Variants in OSBPL10 observed in about 807,000 individuals in gnomAD.
OSBPL10 encodes the protein oxysterol binding protein like 10, also known as oxysterol-binding protein-related protein 10.
In OSBPL10, 49 loss-of-function variants were observed where a neutral mutation model predicts 81.7. The observed-to-expected ratio is 0.60, with a 90% confidence interval of 0.48 to 0.76. OSBPL10 has a LOEUF of 0.76. Among genes scored for constraint, OSBPL10 ranks in the 30% least tolerant of loss-of-function variants. OSBPL10 has a pLI of 0.00. For missense variants in OSBPL10, 923 were observed against 987.8 expected (o/e 0.93, Z 0.88); for synonymous variants, 419 against 383.6 (o/e 1.09, Z -1.08).
At chr3:31,805,342 G>T (rs760325068) in intron 4 of OSBPL10, among the ~76,000 whole-genome samples, 1 of 152,112 alleles carries the variant, frequency 6.6e-6, no homozygotes, top group Non-Finnish European at 1.5e-5. Flanking sequence ...AAATATAGTC[G>T]TATCTCTCTC....
At chr3:31,712,205 G>A (rs1696277107) in intron 6 of OSBPL10, among the ~76,000 whole-genome samples, 1 of 152,218 alleles carries the variant, frequency 6.6e-6, no homozygotes, top group Non-Finnish European at 1.5e-5. Flanking sequence ...CTAAATGTAT[G>A]TTTCCTAAGT....
chr3:32,027,945 C>A (rs1181256619), intron 2 of OSBPL10, among the ~76,000 whole-genome samples: 1 of 152,220 alleles, frequency 6.6e-6, no homozygotes, highest in African/African-American at 2.4e-5. Context: ...GAGACTGGAA[C>A]AACTGTCTCC....
At chr3:32,015,547 C>CT (rs1432049692) in intron 2 of OSBPL10, among the ~76,000 whole-genome samples, 33 of 152,178 alleles carry the variant, frequency 2.2e-4, no homozygotes, top group Admixed American at 2.0e-3. Context: ...TAGGCAAGGA[C>CT]TTCATGTCTA....
intron 2 of OSBPL10, among the ~76,000 whole-genome samples, chr3:32,018,479 G>A (rs1699334421): frequency 6.6e-6 from 1 of 152,164 alleles, no homozygotes; most frequent in Admixed American, 6.5e-5. Flanking sequence ...AGAAACCAGA[G>A]CATAGAAGGG....
chr3:31,889,072 G>A (rs1695817588), intron 1 of OSBPL10, among the ~76,000 whole-genome samples: 1 of 152,070 alleles, frequency 6.6e-6, no homozygotes, highest in Non-Finnish European at 1.5e-5. Context: ...CTAATCATTA[G>A]GAAAATGCAA....
At chr3:32,029,631 T>C (rs977914694) in intron 2 of OSBPL10, among the ~76,000 whole-genome samples, 3 of 152,188 alleles carry the variant, frequency 2.0e-5, no homozygotes, top group Admixed American at 2.0e-4. Context: ...GCCATTGATA[T>C]ACTTCACTGA....
At chr3:32,015,973 T>G (rs1699310263) in intron 2 of OSBPL10, among the ~76,000 whole-genome samples, 1 of 152,124 alleles carries the variant, frequency 6.6e-6, no homozygotes, top group African/African-American at 2.4e-5. Flanking sequence ...TGTGGAGAAA[T>G]AGGAACACTT....
chr3:31,912,161 C>T (rs940889261), intron 1 of OSBPL10, among the ~76,000 whole-genome samples: 11 of 151,802 alleles, frequency 7.2e-5, no homozygotes, highest in African/African-American at 2.7e-4. Context: ...TTTGGGGGGC[C>T]GAGGCAGGCA....
Position 32,031,118 on chromosome 3 carries a change from C to T in OSBPL10, n.298+15373G>A, listed in dbSNP as rs533818722. 7.9e-5 allele frequency among the ~76,000 whole-genome samples: 12 copies of T among 151,204 alleles called. No homozygotes were observed. The South Asian group carries it at 1.7e-3, about 21-fold the overall frequency. The stretch of plus-strand genomic sequence containing the variant: ...AGGCAGAGGTTGGAGTGAGCTGAGT[C>T]GTGACACTGCACTCTAGCCTGGGCG... On this transcript the variant is annotated intron_variant and non_coding_transcript_variant, in intron 2 of 3. Coordinates refer to the OSBPL10 transcript ENST00000479173.
At chr3:31,753,278 C>T (rs573143242) in intron 4 of OSBPL10, among the ~76,000 whole-genome samples, 48 of 151,794 alleles carry the variant, frequency 3.2e-4, no homozygotes, top group African/African-American at 1.1e-3. Flanking sequence ...ACTTCCGCCT[C>T]GCCTCCTGGG....
At chr3:31,719,849 T>C (rs1047282698) in intron 6 of OSBPL10, among the ~76,000 whole-genome samples, 1 of 151,928 alleles carries the variant, frequency 6.6e-6, no homozygotes, top group African/African-American at 2.4e-5. Context: ...CCTTGTTAAA[T>C]AAAATATAAT....
At chr3:32,030,740 A>T in intron 2 of OSBPL10, 4 of 663,854 alleles carry the variant, frequency 6.0e-6, no homozygotes, top group Non-Finnish European at 1.1e-5. Context: ...ATAAAAAATT[A>T]CTAAGCAAAA....
chr3:32,076,622 A>G (rs898509547), intron 1 of OSBPL10, among the ~76,000 whole-genome samples: 1 of 152,102 alleles, frequency 6.6e-6, no homozygotes, highest in Non-Finnish European at 1.5e-5. Context: ...TTATCAAGAC[A>G]GGGGAATTGC....
chr3:31,807,741 A>G (rs939258480), intron 4 of OSBPL10, among the ~76,000 whole-genome samples: 6 of 152,116 alleles, frequency 3.9e-5, no homozygotes, highest in Non-Finnish European at 8.8e-5. Flanking sequence ...CCATCTCTAA[A>G]AAGAATTTTT....
At chr3:31,989,123 C>T (rs780239542) in intron 2 of OSBPL10, 3 of 1,614,094 alleles carry the variant, frequency 1.9e-6, no homozygotes, top group Non-Finnish European at 2.5e-6. Context: ...GAAAAGGAGC[C>T]AGGCATGGCT....
At chr3:31,959,146 A>C (rs1414920444) in intron 1 of OSBPL10, among the ~76,000 whole-genome samples, 1 of 152,178 alleles carries the variant, frequency 6.6e-6, no homozygotes, top group Non-Finnish European at 1.5e-5. Flanking sequence ...ACTCTCAATT[A>C]AAGAGTGCTC....
At chr3:31,883,271 G>A (rs1026090327) in intron 1 of OSBPL10, among the ~76,000 whole-genome samples, 38 of 149,134 alleles carry the variant, frequency 2.5e-4, no homozygotes, top group Admixed American at 1.1e-3. Context: ...ATGGAGTCTC[G>A]CTTCTTTGCC....
chr3:32,021,331 C>T (rs78971661), intron 2 of OSBPL10, among the ~76,000 whole-genome samples: 12,409 of 152,222 alleles, frequency 0.082, 602 homozygotes, highest in Non-Finnish European at 0.11. Flanking sequence ...TAAAGTTCAA[C>T]GTCATGAGGA....
At chr3:31,981,745 C>G (rs1476580490), upstream of OSBPL10, 3 of 152,458 alleles carry the variant, frequency 2.0e-5, no homozygotes, top group Non-Finnish European at 4.4e-5. This position sits in a 1 kb window ranked among gnomAD's most constrained non-coding sequence, Gnocchi z 4.5. Context: ...CTGACAGGCT[C>G]ACACGCACAC....
Sources: gnomAD v4.1 joint callset for allele counts (sites outside exome capture counted in the v4.1 genomes callset) on GRCh38, gnomAD v4.1.1 for gene constraint, Gnocchi (gnomAD v3.1) non-coding constraint, MANE v1.5 for transcripts, NCBI Gene and HGNC (gene_info 2026-07-23, HGNC 2026-07-21) for gene names.